Variants in INSC observed in about 807,000 individuals in gnomAD.
INSC encodes the protein INSC spindle orientation adaptor protein.
Under a neutral mutation model 58.6 loss-of-function variants are expected in INSC, and 67 were observed. That is an observed-to-expected ratio of 1.14 (90% CI 0.94 to 1.40). INSC has a LOEUF of 1.40. INSC is among the 40% of genes most tolerant of loss of function. The pLI is 0.00. For synonymous variants in INSC, 262 were observed against 276.1 expected (o/e 0.95, Z 0.51); for missense variants, 714 against 692.0 (o/e 1.03, Z -0.36).
chr11:15,262,654 A>AC, the INSC span, among the ~76,000 whole-genome samples: 6 of 120,386 alleles, frequency 5.0e-5, no homozygotes, highest in Admixed American at 9.1e-5. Flanking sequence ...TCTGGGTGAT[A>AC]AACACACACA....
intron 12 of INSC, among the ~76,000 whole-genome samples, chr11:15,243,629 G>A (rs1473322061): frequency 6.6e-6 from 1 of 152,056 alleles, no homozygotes; most frequent in Non-Finnish European, 1.5e-5. Context: ...GGGGGCCCTG[G>A]GGAGGTAAGG....
At chr11:15,151,191 G>A (rs1848638250) in intron 2 of INSC, among the ~76,000 whole-genome samples, 1 of 152,150 alleles carries the variant, frequency 6.6e-6, no homozygotes, top group African/African-American at 2.4e-5. Flanking sequence ...TCCGTCTCCT[G>A]TCAGATCAGA....
At chr11:15,227,230 G>C (rs566580413) in intron 9 of INSC, among the ~76,000 whole-genome samples, 1 of 152,312 alleles carries the variant, frequency 6.6e-6, no homozygotes, top group East Asian at 1.9e-4. Flanking sequence ...GAAGAAAGGA[G>C]GTAGTGCAGC....
chr11:15,226,143 T>C (rs1851630449), intron 9 of INSC, among the ~76,000 whole-genome samples: 1 of 152,042 alleles, frequency 6.6e-6, no homozygotes, highest in South Asian at 2.1e-4. Context: ...CCAACCACTG[T>C]AGGGCCTTCC....
chr11:15,162,453 C>A (rs1005431920), intron 2 of INSC, among the ~76,000 whole-genome samples: 7 of 152,340 alleles, frequency 4.6e-5, no homozygotes, highest in Admixed American at 6.5e-5. Context: ...CTGCTCTGAC[C>A]ACTTATTTAA....
chr11:15,159,895 C>T (rs1442042281), intron 2 of INSC, among the ~76,000 whole-genome samples: 1 of 152,226 alleles, frequency 6.6e-6, no homozygotes, highest in East Asian at 1.9e-4. Context: ...TTTTATCCCC[C>T]TGACCCTCAC....
At chr11:15,113,119 C>CTCCT (rs1847607839), upstream of INSC, among the ~76,000 whole-genome samples, 1 of 73,264 alleles carries the variant, frequency 1.4e-5, no homozygotes, top group Non-Finnish European at 3.1e-5. Context: ...TTCTCTCTCT[C>CTCCT]TCTTTCTTTC....
At chr11:15,170,851 C>T (rs779821366) in intron 2 of INSC, among the ~76,000 whole-genome samples, 1 of 152,086 alleles carries the variant, frequency 6.6e-6, no homozygotes, top group Non-Finnish European at 1.5e-5. Context: ...AGACAGGCAC[C>T]CAGATGGATT....
chr11:15,154,939 G>A (rs1848764135), intron 2 of INSC, among the ~76,000 whole-genome samples: 1 of 152,172 alleles, frequency 6.6e-6, no homozygotes, highest in South Asian at 2.1e-4. Context: ...GGCTGGGATG[G>A]ACATTTCAAG....
chr11:15,247,841 T>G (rs1852608311), downstream of INSC, among the ~76,000 whole-genome samples: 1 of 151,772 alleles, frequency 6.6e-6, no homozygotes, highest in South Asian at 2.1e-4. Context: ...ATCATTATGA[T>G]CTCATCTGAA....
upstream of INSC, among the ~76,000 whole-genome samples, chr11:15,111,598 A>G (rs536046930): frequency 3.9e-5 from 6 of 152,074 alleles, no homozygotes; most frequent in Non-Finnish European, 4.4e-5. Flanking sequence ...GAGCATGTGC[A>G]TGTGTCTTTA....
intron 5 of INSC, among the ~76,000 whole-genome samples, chr11:15,183,546 G>C (rs186930986): frequency 1.8e-4 from 27 of 152,164 alleles, no homozygotes; most frequent in Admixed American, 6.5e-4. Flanking sequence ...TGTGGCTCTT[G>C]AGGGACATTC....
At chr11:15,255,616 A>G in the INSC span, among the ~76,000 whole-genome samples, 1 of 152,186 alleles carries the variant, frequency 6.6e-6, no homozygotes, top group African/African-American at 2.4e-5. Context: ...TTATTTCTAC[A>G]ATCTTGTCTT....
chr11:15,230,014 ATATATATATATATAT>A (rs1564917942), intron 9 of INSC, among the ~76,000 whole-genome samples: 2 of 9,298 alleles, frequency 2.2e-4, no homozygotes, highest in Admixed American at 1.8e-3. Context: ...TATATATATA[ATATATATATATATAT>A]ATATATATAT....
intron 5 of INSC, among the ~76,000 whole-genome samples, chr11:15,180,674 G>A (rs1187614242): frequency 7.9e-6 from 1 of 126,774 alleles, no homozygotes; most frequent in Non-Finnish European, 1.7e-5. Flanking sequence ...TCCCTCTCAT[G>A]GTAGGAGTGA....
the INSC span, among the ~76,000 whole-genome samples, chr11:15,259,303 G>T: frequency 2.9e-4 from 44 of 152,260 alleles, no homozygotes; most frequent in African/African-American, 1.0e-3. Context: ...ATTGTTAATA[G>T]CTGGAGTTTG....
chr11:15,166,102 A>G (rs952054909), intron 2 of INSC, among the ~76,000 whole-genome samples: 3 of 152,194 alleles, frequency 2.0e-5, no homozygotes, highest in Admixed American at 6.5e-5. Context: ...GGATTGCCTG[A>G]GAGATACTGC....
intron 2 of INSC, among the ~76,000 whole-genome samples, chr11:15,149,819 G>A (rs1265824128): frequency 1.3e-5 from 2 of 152,120 alleles, no homozygotes; most frequent in Non-Finnish European, 2.9e-5. Context: ...TGATGTGGCT[G>A]GTCCTGGAGC....
chr11:15,189,691 G>A (rs1427162600), intron 5 of INSC, among the ~76,000 whole-genome samples: 1 of 152,228 alleles, frequency 6.6e-6, no homozygotes, highest in Non-Finnish European at 1.5e-5. Flanking sequence ...GAAACCACAT[G>A]AGTGGCTGCT....
Sources: allele counts gnomAD v4.1 joint callset (sites outside exome capture counted in the v4.1 genomes callset), GRCh38; gene constraint gnomAD v4.1.1; transcripts MANE v1.5; gene names NCBI Gene and HGNC (gene_info 2026-07-23, HGNC 2026-07-21).